Variants in TSC2 observed in about 807,000 individuals in gnomAD.
The protein encoded by TSC2 is tuberin.
In TSC2, 29 loss-of-function variants were observed where a neutral mutation model predicts 202.2. The ratio of observed to expected loss-of-function variants is 0.14; its 90% CI spans 0.11 to 0.20. The LOEUF (loss-of-function observed/expected upper bound fraction) is 0.20. TSC2 is among the 10% of genes least tolerant of loss of function. The pLI is 1.00. For synonymous variants in TSC2, 1,349 were observed against 1,044.0 expected (o/e 1.29, Z -5.63); for missense variants, 2,429 against 2,420.0 (o/e 1.00, Z -0.08).
rs137854167 is a variant in TSC2, at chr16:2,050,510, TAG to T, written c.225+31_225+32del. 486 of 1,605,942 alleles carry T rather than the reference TAG, an allele frequency of 3.0e-4. No homozygotes were observed. The highest frequency in any genetic ancestry group is 3.9e-4 in the Non-Finnish European group (459 of 1,173,294). On this transcript the variant is annotated intron_variant, in intron 3 of 41. Transcript: ENST00000219476. ...AGGTAGGTTTATCCAGTTGAGCTAC[TAG>T]AGAGAGGCACGTAGACTATTCAGAG...
At position 2,079,215 on chromosome 16, in the gene TSC2, G is replaced by C. The variant is rs754157205; in HGVS notation, c.3131+19G>C. On this transcript the variant is annotated intron_variant, in intron 27 of 41. Coordinates refer to ENST00000219476, the MANE Select transcript of TSC2 (RefSeq NM_000548.5). This position sits in a 1 kb window ranked among gnomAD's most constrained non-coding sequence, Gnocchi z 4.6. The stretch of plus-strand genomic sequence containing the variant: ...CGAAGAGGTCCAGGCGGCACTACAG[G>C]GCTGGGCGGGCCTGCGGGAGCTCCA... The C allele has an allele frequency of 6.2e-6, 10 of 1,612,766 alleles. No homozygotes were observed. Among genetic ancestry groups the C allele is most frequent in the Non-Finnish European group, 8.5e-6 (10 of 1,180,024 alleles).
chr16:2,072,740 C>G, intron 20 of TSC2, 109 bp from the exon 21 acceptor site: 1 of 1,575,486 alleles, frequency 6.3e-7, no homozygotes, highest in Admixed American at 1.7e-5. Context: ...GCTCCCCAGC[C>G]CCTTTGCCCC....
At chr16:2,080,108 G>C in intron 29 of TSC2, 57 bp from the exon 30 acceptor site, 1 of 1,605,852 alleles carries the variant, frequency 6.2e-7, no homozygotes, top group Non-Finnish European at 8.5e-7. Flanking sequence ...TCAGCTTGAG[G>C]CTGGTGGTTT....
chr16:2,086,942 G>C (rs879767868), intron 38 of TSC2, 71 bp downstream of exon 38: 1 of 1,544,714 alleles, frequency 6.5e-7, no homozygotes, highest in Non-Finnish European at 8.7e-7. Context: ...GTTGGTGGCA[G>C]GTCCTCCTCC....
chr16:2,072,674 G>C, intron 20 of TSC2, 175 bp from the exon 21 acceptor site: 1 of 1,053,756 alleles, frequency 9.5e-7, no homozygotes, highest in East Asian at 2.6e-5. Flanking sequence ...TGTGTTACTT[G>C]GCAGGCACTC....
At chr16:2,067,663 G>A (rs183703305) in intron 16 of TSC2, among the ~76,000 whole-genome samples, 24 of 152,250 alleles carry the variant, frequency 1.6e-4, no homozygotes, top group Admixed American at 1.4e-3. Flanking sequence ...CCAGCTACTC[G>A]GGAGGCTGAG....
chr16:2,048,423 G>T, intron 1 of TSC2, 164 bp from the exon 2 acceptor site: 1 of 977,166 alleles, frequency 1.0e-6, no homozygotes, highest in Non-Finnish European at 1.6e-6. Context: ...CTAGGTGCCT[G>T]TTTGCGAGCT....
rs765622787 is a variant in TSC2 at position 2,061,964 on chromosome 16, G to A, written c.1213G>A (p.Glu405Lys). 1 of 1,614,198 alleles carries A rather than the reference G, an allele frequency of 6.2e-7. No homozygotes were observed. The change falls in exon 12 of 42, where the codon GAG becomes AAG. Residue 405 changes from glutamate (E) to lysine (K), a missense_variant. Coordinates refer to ENST00000219476, the MANE Select transcript of TSC2 (RefSeq NM_000548.5). Reference protein sequence around the residue: ...CDQNEFHGSQERYFELVERCA... With the variant: ...CDQNEFHGSQKRYFELVERCA... Reference sequence around the variant, plus strand: ...CCAGAACGAGTTCCACGGGTCTCAGGAGAGATACTTTGAACTGGTGGAGAG... The same window carrying A: ...CCAGAACGAGTTCCACGGGTCTCAGAAGAGATACTTTGAACTGGTGGAGAG...
At position 2,086,734 on chromosome 16, in the gene TSC2, G is replaced by A. The variant is rs377129517; in HGVS notation, c.4852G>A (p.Val1618Ile). The change falls in exon 38 of 42, where the codon GTC becomes ATC. Residue 1618 changes from valine (V) to isoleucine (I), a missense_variant and splice_region_variant. By Grantham distance (29) the Val-to-Ile change is conservative (BLOSUM62 3). Transcript: ENST00000219476. ...CATCCGGCCCTGCTCACCCTCAGCCGTCTTCCACATCGCCACCCTGATGCC... is the reference window on the plus strand; with the variant it reads ...CATCCGGCCCTGCTCACCCTCAGCCATCTTCCACATCGCCACCCTGATGCC... ...YCWHDDIMQA[V>I]FHIATLMPTK... The A allele has an allele frequency of 1.9e-5, 31 of 1,610,092 alleles. No homozygotes were observed. Among genetic ancestry groups the A allele is most frequent in the Middle Eastern group, 2.2e-4 (1 of 4,526 alleles).
At chr16:2,082,305 C>T (rs2090237629) in intron 31 of TSC2, 131 bp from the exon 32 acceptor site, 1 of 1,007,808 alleles carries the variant, frequency 9.9e-7, no homozygotes, top group Non-Finnish European at 1.6e-6. Context: ...TAGCACTGGG[C>T]CCCGTGCGCG....
chr16:2,077,037 G>A (rs760662161), intron 25 of TSC2, among the ~76,000 whole-genome samples: 11 of 152,328 alleles, frequency 7.2e-5, no homozygotes, highest in Admixed American at 1.3e-4. Context: ...CTTCCTGCCC[G>A]AGCTATTTTG....
intron 3 of TSC2, 91 bp downstream of exon 3, chr16:2,050,577 C>A: frequency 1.0e-6 from 1 of 984,380 alleles, no homozygotes; most frequent in Non-Finnish European, 1.6e-6. Context: ...TGACAGCTGA[C>A]TGCCGATGAT....
At position 2,084,414 on chromosome 16, in the gene TSC2, C is replaced by G. The variant is rs1060500928; in HGVS notation, c.4192C>G (p.Leu1398Val). ...CGAGCTGCAGACTCTGCAGGACATCCTCGGGGACCCTGGGGACAAGGCCGA... is the reference window on the plus strand; with the variant it reads ...CGAGCTGCAGACTCTGCAGGACATCGTCGGGGACCCTGGGGACAAGGCCGA... Reference protein sequence around the residue: ...SPELQTLQDILGDPGDKADVG... With the variant: ...SPELQTLQDIVGDPGDKADVG... Residue 1398 changes from leucine to valine, a missense_variant, in exon 34 of 42, where the codon CTC becomes GTC. By Grantham distance (32) the Leu-to-Val change is conservative. Transcript: ENST00000219476. 8.1e-6 allele frequency: 13 copies of G among 1,611,448 alleles called. No homozygotes were observed. Among genetic ancestry groups the G allele is most frequent in the Non-Finnish European group, 9.3e-6 (11 of 1,179,562 alleles).
In TSC2 at chr16:2,087,910, G is replaced by A. The variant is rs876658185; in HGVS notation, c.5037G>A (p.Glu1679=). The A allele has an allele frequency of 3.7e-6, 6 of 1,611,562 alleles. No homozygotes were observed. The highest frequency in any genetic ancestry group is 1.3e-5 in the African/African-American group (1 of 74,472). Residue 1679 remains glutamate (E), a synonymous_variant, in exon 39 of 42, where the codon GAG becomes GAA. Transcript: ENST00000219476. ...VHVIVTPLDY[E]CNLVSLQCRK... ...TGATCGTCACCCCGCTGGACTACGA[G>A]TGCAACCTGGTGTCCCTGCAGTGCA... is the stretch of plus-strand genomic sequence containing the variant.
intron 31 of TSC2, chr16:2,082,180 G>T (rs1275931197): frequency 1.7e-6 from 1 of 600,112 alleles, no homozygotes; most frequent in Middle Eastern, 4.4e-4. Flanking sequence ...CGTGCTTCTC[G>T]CCAGGCCCTC....
chr16:2,048,048 G>A lies in TSC2; in HGVS notation c.-47G>A. 1 of 1,425,124 alleles carries A rather than the reference G, an allele frequency of 7.0e-7. No individual in the cohort carries two copies. Among genetic ancestry groups the A allele is most frequent in the Non-Finnish European group, 9.1e-7 (1 of 1,097,052 alleles). The allele number at this position is 1,425,124 out of a possible 1,614,324, so 88.3% of individuals were successfully genotyped here. A position where few individuals can be genotyped will look rare whatever the true frequency, so the allele number is the denominator to read the frequency against. ...TCTCCGCGTCGGGGCGGCCCGGAGCGCGGTGGCGCGGCGCGGGGTAAGTGG... is the reference window on the plus strand; with the variant it reads ...TCTCCGCGTCGGGGCGGCCCGGAGCACGGTGGCGCGGCGCGGGGTAAGTGG... On this transcript the variant is annotated 5_prime_UTR_variant, in exon 1 of 42. Coordinates refer to ENST00000219476, the MANE Select transcript of TSC2 (RefSeq NM_000548.5).
Position 2,084,355 on chromosome 16 carries a change from C to T in TSC2, c.4133C>T (p.Pro1378Leu). 6.2e-7 allele frequency: 1 copy of T among 1,612,692 alleles called. No individual in the cohort carries two copies. The highest frequency in any genetic ancestry group is 8.5e-7 in the Non-Finnish European group (1 of 1,179,990). The stretch of plus-strand genomic sequence containing the variant: ...CCCTCTGTGGACCTCTCCTTCCAGC[C>T]CTCGCAGCCCCTGAGCAAGTCCAGC... ...GRPSVDLSFQ[P>L]SQPLSKSSSS... is the part of the protein sequence containing the mutation. Residue 1378 changes from proline to leucine, a missense_variant, in exon 34 of 42, where the codon CCC becomes CTC. Physicochemically the swap from Pro to Leu is moderately conservative, Grantham distance 98. Coordinates refer to ENST00000219476, the MANE Select transcript of TSC2 (RefSeq NM_000548.5).
At position 2,071,977 on chromosome 16, in the gene TSC2, A is replaced by G. The variant is rs186681035; in HGVS notation, c.2097+43A>G. 16,876 of 1,537,292 alleles carry G rather than the reference A, an allele frequency of 0.011. 112 individuals are homozygous for G. Among genetic ancestry groups the G allele is most frequent in the Non-Finnish European group, 0.012 (14,045 of 1,140,666 alleles). On this transcript the variant is annotated intron_variant, in intron 19 of 41. Coordinates refer to ENST00000219476, the MANE Select transcript of TSC2 (RefSeq NM_000548.5). Reference sequence around the variant, plus strand: ...GGGACCATCCGTCCCACGTTGGGCCAGGAGGACAGGGAGCTGCCACCTGCC... The same window carrying G: ...GGGACCATCCGTCCCACGTTGGGCCGGGAGGACAGGGAGCTGCCACCTGCC...
intron 4 of TSC2, 89 bp from the exon 5 acceptor site, chr16:2,054,207 G>C: frequency 6.2e-7 from 1 of 1,605,396 alleles, no homozygotes; most frequent in South Asian, 1.1e-5. Flanking sequence ...CAGGGCTGGA[G>C]TCCGGGTGCC....
Sources: allele counts gnomAD v4.1 joint callset (sites outside exome capture counted in the v4.1 genomes callset), GRCh38; gene constraint gnomAD v4.1.1; non-coding constraint Gnocchi (gnomAD v3.1); transcripts MANE v1.5; gene names NCBI Gene and HGNC (gene_info 2026-07-23, HGNC 2026-07-21).